C10orf90: variants seen among roughly 807,000 people sequenced by gnomAD.
C10orf90 encodes (E2-independent) E3 ubiquitin-conjugating enzyme FATS.
In C10orf90, 56 loss-of-function variants were observed where a neutral mutation model predicts 62.5. That is an observed-to-expected ratio of 0.90 (90% confidence interval 0.72 to 1.12). C10orf90 has a LOEUF of 1.12. Ranked by LOEUF, C10orf90 falls within the 50% of genes most tolerant of loss-of-function variation. C10orf90 has a pLI of 0.00. For missense variants in C10orf90, 970 were observed against 880.4 expected (o/e 1.10, Z -1.29); for synonymous variants, 386 against 340.4 (o/e 1.13, Z -1.47).
intron 4 of C10orf90, among the ~76,000 whole-genome samples, chr10:126,498,543 G>A (rs560334342): frequency 5.9e-5 from 9 of 152,230 alleles, no homozygotes; most frequent in South Asian, 2.1e-4. Flanking sequence ...GTCACAGAGC[G>A]GAAAACGCAG....
At chr10:126,581,217 C>A (rs1187574199) in intron 2 of C10orf90, among the ~76,000 whole-genome samples, 1 of 152,204 alleles carries the variant, frequency 6.6e-6, no homozygotes, top group Non-Finnish European at 1.5e-5. Flanking sequence ...CAGAGATATT[C>A]ATGCAGGGTA....
At chr10:126,445,805 GTA>G (rs71029302) in intron 7 of C10orf90, among the ~76,000 whole-genome samples, 116 of 100,484 alleles carry the variant, frequency 1.2e-3, no homozygotes, top group Non-Finnish European at 1.1e-3. Flanking sequence ...AAACTGTGGT[GTA>G]TATATATATA....
intron 2 of C10orf90, among the ~76,000 whole-genome samples, chr10:126,623,452 C>A (rs1195336557): frequency 6.6e-6 from 1 of 152,162 alleles, no homozygotes; most frequent in East Asian, 1.9e-4. Context: ...ACACCCCGTT[C>A]CTTTCTACCC....
intron 2 of C10orf90, among the ~76,000 whole-genome samples, chr10:126,532,135 C>G (rs1864110816): frequency 6.6e-6 from 1 of 152,236 alleles, no homozygotes; most frequent in Non-Finnish European, 1.5e-5. Context: ...TCCACCTTTT[C>G]CAGATATGCC....
At chr10:126,509,591 C>A (rs538019249) in intron 3 of C10orf90, among the ~76,000 whole-genome samples, 16 of 152,328 alleles carry the variant, frequency 1.1e-4, no homozygotes, top group African/African-American at 3.6e-4. Context: ...CAGTCACGGT[C>A]AAACTCTTTA....
At chr10:126,485,399 T>C (rs942273573) in intron 4 of C10orf90, among the ~76,000 whole-genome samples, 1 of 152,230 alleles carries the variant, frequency 6.6e-6, no homozygotes, top group Admixed American at 6.5e-5. Flanking sequence ...CTTGTATAAA[T>C]GGACTTCATG....
chr10:126,585,077 G>A (rs1032095692), intron 2 of C10orf90, among the ~76,000 whole-genome samples: 1 of 151,816 alleles, frequency 6.6e-6, no homozygotes. Context: ...TGGATGGAGG[G>A]GTCCATGCTG....
intron 2 of C10orf90, among the ~76,000 whole-genome samples, chr10:126,515,595 G>A (rs1201684794): frequency 1.3e-5 from 2 of 152,184 alleles, no homozygotes; most frequent in Non-Finnish European, 2.9e-5. Context: ...ATCTAGGTTT[G>A]TACATTCTAC....
intron 2 of C10orf90, among the ~76,000 whole-genome samples, chr10:126,573,756 C>T (rs1179909583): frequency 3.9e-5 from 6 of 152,136 alleles, no homozygotes; most frequent in Non-Finnish European, 8.8e-5. Flanking sequence ...CTGACTGATC[C>T]CCAGTACCCA....
rs139125645 is a variant in C10orf90 at position 126,627,772 on chromosome 10, T to C, written c.313+18793A>G. Among the ~76,000 whole-genome samples the C allele has an allele frequency of 4.4e-4, 67 of 152,312 alleles. No individual in the cohort carries two copies. The East Asian group carries it at 8.3e-3, about 19-fold the overall frequency. ...CAGAATTCTCCTCCCTTGTATTTTT[T>C]AGGCAGAGTCTTGCTATGCTATCCA... On this transcript the variant is annotated intron_variant, in intron 2 of 9. Transcript: ENST00000488181.
intron 2 of C10orf90, among the ~76,000 whole-genome samples, chr10:126,529,905 TC>T (rs1433046231): frequency 5.3e-5 from 8 of 152,214 alleles, no homozygotes; most frequent in African/African-American, 1.9e-4. Flanking sequence ...TACAAATGTA[TC>T]ATCAAGGAAT....
rs1404323008 is a variant in C10orf90 at position 126,504,682 on chromosome 10, A to C, written c.809T>G (p.Leu270Arg). Residue 270 changes from leucine (L) to arginine (R), a missense_variant, in exon 4 of 10, where the codon CTG becomes CGG. Coordinates refer to ENST00000488181, the MANE Select transcript of C10orf90 (RefSeq NM_001350921.2). The surrounding 1 kb of genome is among the most constrained non-coding windows in gnomAD (Gnocchi z 4.1). The stretch of plus-strand genomic sequence containing the variant: ...GGCCAGAGCCGGGGGCGCCTGGAAC[A>C]GTGTGTCCTCAGCCCTGCACTTGGG... ...LCPKCRAEDT[L>R]FQAPPALANG... The C allele has an allele frequency of 6.2e-7, 1 of 1,614,044 alleles. No homozygotes were observed. The highest frequency in any genetic ancestry group is 1.7e-5 in the Admixed American group (1 of 60,030).
At chr10:126,649,117 C>G (rs917444894) in intron 1 of C10orf90, among the ~76,000 whole-genome samples, 3 of 141,450 alleles carry the variant, frequency 2.1e-5, no homozygotes, top group African/African-American at 7.8e-5. Context: ...TAACTAAGAC[C>G]CACAGCGTTC....
intron 2 of C10orf90, among the ~76,000 whole-genome samples, chr10:126,547,373 C>A (rs1475952237): frequency 6.6e-6 from 1 of 150,722 alleles, no homozygotes; most frequent in Non-Finnish European, 1.5e-5. Context: ...GAGCCAAGAT[C>A]GTGCCACTGC....
chr10:126,649,605 G>A (rs1846252023), intron 1 of C10orf90, among the ~76,000 whole-genome samples: 1 of 152,144 alleles, frequency 6.6e-6, no homozygotes, highest in Admixed American at 6.5e-5. Flanking sequence ...TCAAACCAAG[G>A]TCAGGTTTCT....
intron 2 of C10orf90, among the ~76,000 whole-genome samples, chr10:126,538,136 G>A (rs1182110654): frequency 3.9e-5 from 6 of 152,120 alleles, no homozygotes; most frequent in East Asian, 3.9e-4. Flanking sequence ...CATGGTGGAA[G>A]GCAAAAAAGG....
intron 2 of C10orf90, among the ~76,000 whole-genome samples, chr10:126,530,053 G>T (rs1864051934): frequency 6.6e-6 from 1 of 152,106 alleles, no homozygotes; most frequent in Non-Finnish European, 1.5e-5. Context: ...TTGTACATTT[G>T]CACTGGGATA....
At chr10:126,542,860 T>C (rs1864408678) in intron 2 of C10orf90, among the ~76,000 whole-genome samples, 1 of 152,220 alleles carries the variant, frequency 6.6e-6, no homozygotes, top group Non-Finnish European at 1.5e-5. Flanking sequence ...TACCTTGTGA[T>C]TCATCTATTT....
In C10orf90 at chr10:126,453,117, G is replaced by T. The variant is rs2134075626; in HGVS notation, c.2188+5923C>A. On this transcript the variant is annotated intron_variant, in intron 7 of 9. Transcript: ENST00000488181. This position sits in a 1 kb window ranked among gnomAD's most constrained non-coding sequence, Gnocchi z 4.9. ...AAGAATCATCAGGGAAAGAAGATTT[G>T]TTGGAGAAGGAATTCTGCCGTGCCT... Among the ~76,000 whole-genome samples, 1 of 152,276 alleles carries T rather than the reference G, an allele frequency of 6.6e-6. No individual in the cohort carries two copies.
Sources: gnomAD v4.1 joint callset for allele counts (sites outside exome capture counted in the v4.1 genomes callset) on GRCh38, gnomAD v4.1.1 for gene constraint, Gnocchi (gnomAD v3.1) non-coding constraint, MANE v1.5 for transcripts, NCBI Gene and HGNC (gene_info 2026-07-23, HGNC 2026-07-21) for gene names.